DHX9: variants seen among roughly 807,000 people sequenced by gnomAD.
The protein encoded by DHX9 is DExH-box helicase 9.
Under a neutral mutation model 148.7 loss-of-function variants are expected in DHX9, and 27 were observed. The observed-to-expected ratio is 0.18, with a 90% CI of 0.13 to 0.25. DHX9 has a LOEUF of 0.25. DHX9 is among the 10% of genes least tolerant of loss of function. The pLI is 1.00. For synonymous variants in DHX9, 529 were observed against 516.6 expected, an observed-to-expected ratio of 1.02 and a Z score of -0.33; for missense variants, 796 against 1,559.6, an observed-to-expected ratio of 0.51 and a Z score of 8.25.
chr1:182,844,293 G>A (rs1280690853), intron 3 of DHX9, among the ~76,000 whole-genome samples: 1 of 152,198 alleles, frequency 6.6e-6, no homozygotes, highest in Non-Finnish European at 1.5e-5. Flanking sequence ...ATGCAATGGA[G>A]TATTTTTGTG....
chr1:182,850,333 A>T (rs950714931), intron 3 of DHX9, among the ~76,000 whole-genome samples: 2 of 152,052 alleles, frequency 1.3e-5, no homozygotes, highest in African/African-American at 4.8e-5. Context: ...GGTGGCTCAC[A>T]CCTGTAATAC....
At chr1:182,853,177 A>G (rs1308974954) in intron 4 of DHX9, 129 bp from the exon 5 acceptor site, 11 of 632,894 alleles carry the variant, frequency 1.7e-5, no homozygotes, top group Non-Finnish European at 2.8e-5. Flanking sequence ...TACCCACCTC[A>G]GCGTCCGGAA....
chr1:182,858,372 C>G (rs1668293364), intron 8 of DHX9, 132 bp downstream of exon 8: 1 of 1,161,464 alleles, frequency 8.6e-7, no homozygotes, highest in Non-Finnish European at 1.2e-6. Flanking sequence ...CTAATCATCT[C>G]TGTGTCTGGC....
intron 11 of DHX9, 133 bp from the exon 12 acceptor site, chr1:182,859,860 T>C: frequency 1.3e-6 from 1 of 747,004 alleles, no homozygotes; most frequent in Non-Finnish European, 2.1e-6. Flanking sequence ...ATCCTCAGCC[T>C]CCCAAAGTGC....
chr1:182,880,901 G>A (rs1265831950), intron 22 of DHX9, among the ~76,000 whole-genome samples: 1 of 152,188 alleles, frequency 6.6e-6, no homozygotes, highest in Non-Finnish European at 1.5e-5. Context: ...GGGAGGCCAG[G>A]GTGGGAGGGT....
At chr1:182,868,244 C>G (rs1278047527) in intron 14 of DHX9, among the ~76,000 whole-genome samples, 3 of 152,048 alleles carry the variant, frequency 2.0e-5, no homozygotes, top group Non-Finnish European at 4.4e-5. Flanking sequence ...AAACATTATT[C>G]TAAAAGAAAG....
chr1:182,870,368 A>T (rs1648506183), intron 14 of DHX9, among the ~76,000 whole-genome samples: 1 of 152,238 alleles, frequency 6.6e-6, no homozygotes, highest in Non-Finnish European at 1.5e-5. Context: ...ATTTCTAAAG[A>T]AGAGCAGAAT....
At chr1:182,886,296 A>G (rs1002388219) in intron 27 of DHX9, among the ~76,000 whole-genome samples, 2 of 151,774 alleles carry the variant, frequency 1.3e-5, no homozygotes, top group African/African-American at 4.8e-5. Context: ...TCTGGGTTCA[A>G]GTGATCCTCC....
chr1:182,843,448 G>T lies in DHX9; in HGVS notation c.252+14G>T. On this transcript the variant is annotated intron_variant, in intron 3 of 27. Transcript: ENST00000367549. ...CCAGCTTTTGGGGTAAGTACCTATG[G>T]CGAAGCACTTGAGATGTATGTTGTA... The T allele has an allele frequency of 6.3e-7, 1 of 1,575,182 alleles. No individual in the cohort carries two copies. The highest frequency in any genetic ancestry group is 2.3e-5 in the East Asian group (1 of 43,176).
In DHX9 at chr1:182,856,592, T is replaced by C; in HGVS notation, c.673+14T>C. ...AGCTGGGCAGAAGTAAGTGTTACTGTTTCCCCAATATTCCAAGTCTCTGTA... is the reference window on the plus strand; with the variant it reads ...AGCTGGGCAGAAGTAAGTGTTACTGCTTCCCCAATATTCCAAGTCTCTGTA... On this transcript the variant is annotated intron_variant, in intron 7 of 27. Coordinates refer to ENST00000367549, the MANE Select transcript of DHX9 (RefSeq NM_001357.5). The C allele has an allele frequency of 6.2e-7, 1 of 1,612,392 alleles. No homozygotes were observed. The highest frequency in any genetic ancestry group is 1.1e-5 in the South Asian group (1 of 90,960).
At chr1:182,855,458 AACAG>A in intron 6 of DHX9, 3 of 716,984 alleles carry the variant, frequency 4.2e-6, no homozygotes, top group Non-Finnish European at 5.1e-6. Context: ...TTAAAGGCAT[AACAG>A]ACAGCAACAC....
At chr1:182,845,979 C>T (rs1027253915) in intron 3 of DHX9, among the ~76,000 whole-genome samples, 2 of 152,106 alleles carry the variant, frequency 1.3e-5, no homozygotes, top group Non-Finnish European at 2.9e-5. Flanking sequence ...CTTCATTATT[C>T]AGTATTGATT....
At chr1:182,869,205 C>T (rs1373372580) in intron 14 of DHX9, among the ~76,000 whole-genome samples, 1 of 152,204 alleles carries the variant, frequency 6.6e-6, no homozygotes, top group Non-Finnish European at 1.5e-5. Flanking sequence ...GGATGGGTCT[C>T]TTGAGGTCTG....
At chr1:182,851,023 G>C (rs1224961639) in intron 3 of DHX9, among the ~76,000 whole-genome samples, 1 of 152,168 alleles carries the variant, frequency 6.6e-6, no homozygotes, top group Non-Finnish European at 1.5e-5. Context: ...CAAGGTGGTA[G>C]AAAGAGGAGG....
At chr1:182,852,028 G>C (rs181833068) in intron 3 of DHX9, among the ~76,000 whole-genome samples, 1 of 152,290 alleles carries the variant, frequency 6.6e-6, no homozygotes, top group East Asian at 1.9e-4. Flanking sequence ...GTGACAGGTT[G>C]TTCCCAGTGG....
Position 182,880,614 on chromosome 1 carries a change from T to C in DHX9, c.2624+6T>C, listed in dbSNP as rs1374689203. ...ATAATGGGGTGTATTTTCTAGTAAG[T>C]GCTTTGTTTTATTTCTCTTCGTTAA... On this transcript the variant is annotated splice_donor_region_variant and intron_variant, in intron 22 of 27. Coordinates refer to ENST00000367549, the MANE Select transcript of DHX9 (RefSeq NM_001357.5). 6.4e-7 allele frequency: 1 copy of C among 1,563,642 alleles called. No homozygotes were observed. Among genetic ancestry groups the C allele is most frequent in the East Asian group, 2.2e-5 (1 of 44,586 alleles).
chr1:182,859,024 G>A lies in DHX9; in HGVS notation c.1063-16G>A. The A allele has an allele frequency of 6.2e-7, 1 of 1,613,232 alleles. No individual in the cohort carries two copies. Among genetic ancestry groups the A allele is most frequent in the Non-Finnish European group, 8.5e-7 (1 of 1,179,760 alleles). On this transcript the variant is annotated splice_polypyrimidine_tract_variant and intron_variant, in intron 10 of 27. Coordinates refer to ENST00000367549, the MANE Select transcript of DHX9 (RefSeq NM_001357.5). ...TATGTGCTTTTGTTTGACTATGTTG[G>A]CTTTTTGTTTTACAGGCTACTCCAG... is the stretch of plus-strand genomic sequence containing the variant.
chr1:182,874,998 A>C, intron 16 of DHX9, 44 bp downstream of exon 16: 1 of 1,479,238 alleles, frequency 6.8e-7, no homozygotes, highest in Non-Finnish European at 9.4e-7. Context: ...GCAAATTGTC[A>C]ATGCAGAGAA....
intron 27 of DHX9, 65 bp from the exon 28 acceptor site, chr1:182,887,018 T>C: frequency 6.9e-7 from 1 of 1,449,724 alleles, no homozygotes. Context: ...AATGTGTACA[T>C]TTGGTAAGTC....
Sources: allele counts gnomAD v4.1 joint callset (sites outside exome capture counted in the v4.1 genomes callset), GRCh38; gene constraint gnomAD v4.1.1; transcripts MANE v1.5; gene names NCBI Gene and HGNC (gene_info 2026-07-23, HGNC 2026-07-21).